Variants in C5orf47 observed in about 807,000 individuals in gnomAD.
The protein encoded by C5orf47 is uncharacterized protein C5orf47.
Under a neutral mutation model 20.6 loss-of-function variants are expected in C5orf47, and 20 were observed. The observed-to-expected ratio is 0.97, with a 90% CI of 0.68 to 1.41. C5orf47 has a LOEUF of 1.41. Ranked by LOEUF, C5orf47 falls within the 40% of genes most tolerant of loss-of-function variation. C5orf47 has a pLI of 0.00. For missense variants in C5orf47, 262 were observed against 238.4 expected (o/e 1.10, Z -0.65); for synonymous variants, 106 against 97.3 (o/e 1.09, Z -0.53).
rs1381208338 is a variant in C5orf47 at position 173,989,386 on chromosome 5, G to T, written c.123G>T (p.Trp41Cys). Residue 41 changes from tryptophan (W) to cysteine (C), a missense_variant, in exon 1 of 5, where the codon TGG (tryptophan) becomes TGT (cysteine). Coordinates refer to ENST00000340147, the MANE Select transcript of C5orf47 (RefSeq NM_001144954.2). ...QLGGRGAQGL[W>C]GQGPGAGCRQ... The stretch of plus-strand genomic sequence containing the variant: ...GCGGCCGTGGAGCTCAAGGCCTTTG[G>T]GGTCAGGGGCCTGGGGCAGGCTGTC... 1 of 1,538,702 alleles carries T rather than the reference G, an allele frequency of 6.5e-7. No individual in the cohort carries two copies. The highest frequency in any genetic ancestry group is 8.8e-7 in the Non-Finnish European group (1 of 1,140,790).
At chr5:173,989,624 G>A (rs1561645447) in intron 1 of C5orf47, 36 bp downstream of exon 1, 6 of 1,358,974 alleles carry the variant, frequency 4.4e-6, no homozygotes, top group South Asian at 1.7e-5. Context: ...CGGGCGCGGC[G>A]GGGCGGGACG....
intron 2 of C5orf47, among the ~76,000 whole-genome samples, 189 bp from the exon 3 acceptor site, chr5:173,999,509 AAG>A (rs1316171541): frequency 6.6e-6 from 1 of 152,160 alleles, no homozygotes; most frequent in South Asian, 2.1e-4. Context: ...AATTTTGAAA[AAG>A]AGAACAGATA....
At chr5:173,999,395 G>A (rs1581196297) in intron 2 of C5orf47, among the ~76,000 whole-genome samples, 1 of 152,136 alleles carries the variant, frequency 6.6e-6, no homozygotes, top group African/African-American at 2.4e-5. Flanking sequence ...CTTTCAGAAT[G>A]GAATGTGTTA....
At chr5:173,990,284 T>A (rs1758967488) in intron 1 of C5orf47, among the ~76,000 whole-genome samples, 1 of 150,130 alleles carries the variant, frequency 6.7e-6, no homozygotes, top group African/African-American at 2.5e-5. Context: ...AGCTACTTTT[T>A]TTATCTTTTG....
downstream of C5orf47, among the ~76,000 whole-genome samples, chr5:174,006,888 A>T (rs140482182): frequency 3.5e-3 from 536 of 152,322 alleles, 4 homozygotes; most frequent in African/African-American, 0.013. Flanking sequence ...TGTGAATTCT[A>T]CTACATTTGT....
chr5:174,002,634 C>T (rs1474947756), intron 4 of C5orf47, among the ~76,000 whole-genome samples: 1 of 152,048 alleles, frequency 6.6e-6, no homozygotes, highest in Non-Finnish European at 1.5e-5. Flanking sequence ...GTGTATATAA[C>T]CTAAGAGCAA....
In C5orf47 at chr5:174,005,858, A is replaced by T. The variant is rs914632017; in HGVS notation, c.*1604A>T. The T allele has an allele frequency of 6.6e-6, 1 of 152,356 alleles. No individual in the cohort carries two copies. The allele number at this position is 152,356 out of a possible 1,614,324, so 9.4% of individuals were successfully genotyped here. A position where few individuals can be genotyped will look rare whatever the true frequency, so the allele number is the denominator to read the frequency against. ...ATTTAAAATAAGAGTCTAATGCTGG[A>T]TACAAACTCAGTTTATTTCACTGTT... On this transcript the variant is annotated 3_prime_UTR_variant, in exon 5 of 5. Coordinates refer to ENST00000340147, the MANE Select transcript of C5orf47 (RefSeq NM_001144954.2).
chr5:173,992,603 A>T (rs1336012918), intron 1 of C5orf47, among the ~76,000 whole-genome samples: 2 of 152,130 alleles, frequency 1.3e-5, no homozygotes, highest in African/African-American at 4.8e-5. Context: ...TAGTGCAGTG[A>T]ATTTTCTTCT....
At chr5:173,992,170 A>G (rs1233864247) in intron 1 of C5orf47, among the ~76,000 whole-genome samples, 1 of 149,658 alleles carries the variant, frequency 6.7e-6, no homozygotes, top group African/African-American at 2.5e-5. Flanking sequence ...TTCTTTTCCT[A>G]TATATATGTG....
At chr5:174,007,554 C>G (rs1044412469), downstream of C5orf47, among the ~76,000 whole-genome samples, 7 of 144,632 alleles carry the variant, frequency 4.8e-5, no homozygotes, top group African/African-American at 1.1e-4. Context: ...TGTTAACTCT[C>G]CTACCTTTTT....
rs571397947 is a variant in C5orf47, at chr5:173,999,982, T to C, written c.511+183T>C. 7.2e-5 allele frequency among the ~76,000 whole-genome samples: 11 copies of C among 152,078 alleles called. No homozygotes were observed. The South Asian group carries it at 2.3e-3, about 32-fold the overall frequency. ...AGAAGTACAGAGCACCTGCAAGCAG[T>C]GAGCACAGAGAGCACAGGTATAGGA... On this transcript the variant is annotated intron_variant, in intron 3 of 4. Coordinates refer to ENST00000340147, the MANE Select transcript of C5orf47 (RefSeq NM_001144954.2).
At chr5:173,996,127 G>A (rs1759093376) in intron 1 of C5orf47, among the ~76,000 whole-genome samples, 1 of 152,186 alleles carries the variant, frequency 6.6e-6, no homozygotes, top group Admixed American at 6.5e-5. Context: ...GATAGTGGAA[G>A]CTCCATGAGA....
At chr5:173,991,198 T>C (rs531106591) in intron 1 of C5orf47, among the ~76,000 whole-genome samples, 7 of 152,336 alleles carry the variant, frequency 4.6e-5, no homozygotes, top group African/African-American at 1.7e-4. Flanking sequence ...CTGGATACTT[T>C]TATTATTAGT....
At chr5:173,991,058 C>T (rs933415854) in intron 1 of C5orf47, among the ~76,000 whole-genome samples, 10 of 152,184 alleles carry the variant, frequency 6.6e-5, no homozygotes, top group African/African-American at 2.4e-4. Context: ...CCAGCCCTAA[C>T]CAAGTACTAA....
At chr5:174,006,992 A>G (rs573730033), downstream of C5orf47, among the ~76,000 whole-genome samples, 1 of 152,220 alleles carries the variant, frequency 6.6e-6, no homozygotes, top group African/African-American at 2.4e-5. Context: ...ACAGGCCTCA[A>G]AGGTTCTCTG....
rs1758944167 is a variant in C5orf47 at position 173,989,578 on chromosome 5, G to A, written c.315G>A (p.Ser105=). ...GAGTTCAGAGCGGCACCAGACAGTC[G>A]GCGCGTGCAGGTGGTGCAGCGGGGC... ...ASRVQSGTRQ[S]ARAGLIQKDA... Residue 105 remains serine (S), a synonymous_variant, in exon 1 of 5, where the codon TCG becomes TCA. Coordinates refer to ENST00000340147, the MANE Select transcript of C5orf47 (RefSeq NM_001144954.2). 12 of 1,456,776 alleles carry A rather than the reference G, an allele frequency of 8.2e-6. No homozygotes were observed. Among genetic ancestry groups the A allele is most frequent in the South Asian group, 4.1e-5 (3 of 72,510 alleles). The allele number at this position is 1,456,776 out of a possible 1,614,324, so 90.2% of individuals were successfully genotyped here.
chr5:173,996,011 T>TGA (rs1759091748), intron 1 of C5orf47, among the ~76,000 whole-genome samples: 1 of 152,252 alleles, frequency 6.6e-6, no homozygotes, highest in African/African-American at 2.4e-5. Context: ...GCTACATTTA[T>TGA]GATTTGTATG....
At chr5:174,006,509 G>A (rs1434857973), downstream of C5orf47, among the ~76,000 whole-genome samples, 2 of 152,190 alleles carry the variant, frequency 1.3e-5, no homozygotes, top group African/African-American at 4.8e-5. Context: ...GAATATTTAA[G>A]CATAGGAACT....
intron 4 of C5orf47, among the ~76,000 whole-genome samples, chr5:174,002,743 T>C (rs576681227): frequency 2.0e-4 from 30 of 152,296 alleles, no homozygotes; most frequent in Non-Finnish European, 3.7e-4. Flanking sequence ...TTTTTCCCTA[T>C]TGCCCCAATA....
Sources: gnomAD v4.1 joint callset for allele counts (sites outside exome capture counted in the v4.1 genomes callset) on GRCh38, gnomAD v4.1.1 for gene constraint, MANE v1.5 for transcripts, NCBI Gene and HGNC (gene_info 2026-07-23, HGNC 2026-07-21) for gene names.